Variants in SOX6 observed in about 807,000 individuals in gnomAD.
SOX6 encodes transcription factor SOX-6.
SOX6 carries 11 observed loss-of-function variants against 97.8 expected under a neutral mutation model. The observed-to-expected ratio is 0.11, with a 90% confidence interval of 0.07 to 0.19. The LOEUF (loss-of-function observed/expected upper bound fraction) is 0.19. Ranked by LOEUF, SOX6 falls within the 10% of genes least tolerant of loss-of-function variation. The pLI is 1.00. For synonymous variants in SOX6, 360 were observed against 371.4 expected (o/e 0.97, Z 0.35); for missense variants, 810 against 1,039.5 (o/e 0.78, Z 3.04).
chr11:16,441,046 A>G (rs1245897711), intron 1 of SOX6, among the ~76,000 whole-genome samples: 4 of 152,170 alleles, frequency 2.6e-5, no homozygotes, highest in African/African-American at 4.8e-5. Context: ...AAATGTGTGT[A>G]GAACAGAAGA....
In SOX6 at chr11:16,418,726, C is replaced by A. The variant is rs117102390; in HGVS notation, c.-5+57589G>T. Among the ~76,000 whole-genome samples the A allele has an allele frequency of 9.0e-3, 1,363 of 152,170 alleles. 20 individuals are homozygous for A. Among genetic ancestry groups the A allele is most frequent in the East Asian group, 0.038 (197 of 5,176 alleles). ...AGGGGGGCCAGGGAGAGGGAGGGAA[C>A]CTGATTGGCAGGCTTCAAACAGTTA... is the stretch of plus-strand genomic sequence containing the variant. On this transcript the variant is annotated intron_variant, in intron 1 of 15. Transcript: ENST00000396356.
In SOX6 at chr11:16,254,286, A is replaced by G. The variant is rs186442095; in HGVS notation, c.446-19615T>C. Among the ~76,000 whole-genome samples, 691 of 152,214 alleles carry G rather than the reference A, an allele frequency of 4.5e-3. 15 individuals carry two copies. The highest frequency in any genetic ancestry group is 6.8e-4 in the Non-Finnish European group (46 of 67,956). ...CAAAAAGGAAGAGCATTAATAAAAG[A>G]AAACTCTATTTTCTTATTCTTGATT... On this transcript the variant is annotated intron_variant, in intron 3 of 15. Coordinates refer to ENST00000683767, the MANE Select transcript of SOX6 (RefSeq NM_001367873.1).
At chr11:16,377,198 A>G (rs1331838547) in intron 1 of SOX6, among the ~76,000 whole-genome samples, 1 of 152,108 alleles carries the variant, frequency 6.6e-6, no homozygotes, top group African/African-American at 2.4e-5. Context: ...AAGGAAAAAG[A>G]GGAAGACTGA....
chr11:16,041,454 A>T (rs541848407), intron 12 of SOX6, among the ~76,000 whole-genome samples: 1 of 151,886 alleles, frequency 6.6e-6, no homozygotes, highest in Non-Finnish European at 1.5e-5. Flanking sequence ...TTTTTGAAAC[A>T]TATGGGTGAA....
rs537543460 is a variant in SOX6 at position 16,023,001 on chromosome 11, C to A, written c.1624-7951G>T. Among the ~76,000 whole-genome samples the A allele has an allele frequency of 5.3e-5, 8 of 152,208 alleles. No homozygotes were observed. In the South Asian group the frequency reaches 1.5e-3, roughly 28 times the overall value. ...GAACTAGCTATGATATTCCAAAATC[C>A]TATGTATTTCCGAATGCCACTTTTT... On this transcript the variant is annotated intron_variant, in intron 12 of 15. Coordinates refer to ENST00000683767, the MANE Select transcript of SOX6 (RefSeq NM_001367873.1).
At chr11:16,279,724 G>A (rs1854498367) in intron 3 of SOX6, among the ~76,000 whole-genome samples, 2 of 152,040 alleles carry the variant, frequency 1.3e-5, no homozygotes. Flanking sequence ...TAAGTATTGT[G>A]CAAGAAAATA....
chr11:16,207,009 T>C (rs2134136009), intron 4 of SOX6, among the ~76,000 whole-genome samples: 1 of 152,124 alleles, frequency 6.6e-6, no homozygotes, highest in East Asian at 1.9e-4. Context: ...CATCTAACTT[T>C]TGACATCCAA....
chr11:16,451,263 C>T (rs1357364969), intron 1 of SOX6, among the ~76,000 whole-genome samples: 4 of 152,006 alleles, frequency 2.6e-5, no homozygotes, highest in Non-Finnish European at 5.9e-5. Context: ...GGAGAACTTT[C>T]TCTGAGGTAG....
chr11:16,222,343 G>C (rs1852564996), intron 4 of SOX6, among the ~76,000 whole-genome samples: 1 of 152,154 alleles, frequency 6.6e-6, no homozygotes, highest in South Asian at 2.1e-4. Flanking sequence ...TTCTCCAGTA[G>C]CTAAGACTAC....
chr11:16,736,579 C>T (rs1408170387), intron 1 of SOX6: 1 of 152,120 alleles, frequency 6.6e-6, no homozygotes, highest in African/African-American at 2.4e-5. Flanking sequence ...ATTGACAATC[C>T]TTTCTTATTT....
At chr11:15,980,665 T>G (rs191560157) in intron 15 of SOX6, among the ~76,000 whole-genome samples, 34 of 152,130 alleles carry the variant, frequency 2.2e-4, no homozygotes, top group African/African-American at 7.9e-4. Flanking sequence ...TTCCCCCAGG[T>G]GTTCATGCTC....
chr11:16,432,394 A>G (rs1236516325), intron 1 of SOX6, among the ~76,000 whole-genome samples: 1 of 152,106 alleles, frequency 6.6e-6, no homozygotes, highest in Non-Finnish European at 1.5e-5. Flanking sequence ...TTCAAAAGCA[A>G]TTTATGAATG....
chr11:16,497,032 T>C (rs1357992533), intron 4 of SOX6, among the ~76,000 whole-genome samples: 1 of 152,182 alleles, frequency 6.6e-6, no homozygotes, highest in Non-Finnish European at 1.5e-5. Context: ...AAACTGGGTC[T>C]CTGACACGCG....
At chr11:16,357,995 TACA>T (rs1424577140), upstream of SOX6, among the ~76,000 whole-genome samples, 3 of 152,174 alleles carry the variant, frequency 2.0e-5, no homozygotes, top group African/African-American at 7.2e-5. Flanking sequence ...AACAGTAAGT[TACA>T]ACAAGAAAGA....
At chr11:16,196,509 T>C (rs1851777012) in intron 4 of SOX6, among the ~76,000 whole-genome samples, 1 of 152,210 alleles carries the variant, frequency 6.6e-6, no homozygotes. Flanking sequence ...AAAGCACTTA[T>C]CTAGGGAATT....
At chr11:15,983,210 TTTA>T (rs1310402309) in intron 15 of SOX6, among the ~76,000 whole-genome samples, 2 of 152,084 alleles carry the variant, frequency 1.3e-5, no homozygotes, top group Non-Finnish European at 2.9e-5. Context: ...CACACACACA[TTTA>T]TTATCTTGAA....
intron 4 of SOX6, among the ~76,000 whole-genome samples, chr11:16,188,229 C>CAAAAAAAAA (rs5789943): frequency 1.8e-5 from 2 of 113,602 alleles, no homozygotes; most frequent in Non-Finnish European, 3.8e-5. Flanking sequence ...AACTCAGGTC[C>CAAAAAAAAA]AAAAAAAAAA....
intron 1 of SOX6, among the ~76,000 whole-genome samples, chr11:16,342,490 A>G (rs1184455356): frequency 6.6e-6 from 1 of 151,970 alleles, no homozygotes; most frequent in African/African-American, 2.4e-5. Flanking sequence ...TCAAATTAGC[A>G]AATCATTAAC....
At chr11:16,273,643 G>A (rs1342472941) in intron 3 of SOX6, among the ~76,000 whole-genome samples, 2 of 151,640 alleles carry the variant, frequency 1.3e-5, no homozygotes, top group Admixed American at 6.6e-5. Flanking sequence ...CAACCAGGAG[G>A]AAATAAATAC....
Sources: gnomAD v4.1 joint callset for allele counts (sites outside exome capture counted in the v4.1 genomes callset) on GRCh38, gnomAD v4.1.1 for gene constraint, MANE v1.5 for transcripts, NCBI Gene and HGNC (gene_info 2026-07-23, HGNC 2026-07-21) for gene names.